The following MRC1 variants were observed in gnomAD, a reference collection of about 807,000 sequenced individuals.
MRC1 encodes the protein mannose receptor C-type 1.
A neutral mutation model predicts 102.9 loss-of-function variants in MRC1; 62 were observed. The ratio of observed to expected loss-of-function variants is 0.60; its 90% CI spans 0.49 to 0.74. MRC1 has a LOEUF of 0.74. MRC1 is among the 30% of genes least tolerant of loss of function. The probability of loss-of-function intolerance (pLI) is 0.00; values close to 1 mark genes in which losing one functional copy is unlikely to be tolerated. For synonymous variants in MRC1, 457 were observed against 298.4 expected (o/e 1.53, Z -5.48); for missense variants, 1,237 against 862.8 (o/e 1.43, Z -5.43).
At chr10:17,880,458 A>G in intron 19 of MRC1, 67 bp from the exon 20 acceptor site, 1 of 767,384 alleles carries the variant, frequency 1.3e-6, no homozygotes, top group Non-Finnish European at 2.4e-6. Flanking sequence ...ATAGAAATAT[A>G]TTTTTTAAAA....
At chr10:17,863,070 T>C (rs1214364706) in intron 10 of MRC1, 1 of 157,540 alleles carries the variant, frequency 6.3e-6, no homozygotes, top group African/African-American at 2.4e-5. Context: ...GAGAATAAAA[T>C]TGAGGGGGGA....
chr10:17,872,102 A>C lies in MRC1; in HGVS notation c.2320A>C (p.Asn774His), dbSNP rs1468835525. The C allele has an allele frequency of 1.3e-6, 1 of 780,586 alleles. No homozygotes were observed. The highest frequency in any genetic ancestry group is 1.7e-5 in the African/African-American group (1 of 59,138). 48.4% of individuals were successfully genotyped at this position (780,586 alleles called of 1,614,324 possible). The change falls in exon 15 of 30, where the codon AAC (asparagine) becomes CAC (histidine). Residue 774 changes from asparagine to histidine, a missense_variant. Transcript: ENST00000569591. Reference protein sequence around the residue: ...WNDINCEHLNNWICQIQKGQT... With the variant: ...WNDINCEHLNHWICQIQKGQT... Reference sequence around the variant, plus strand: ...TGATATTAATTGTGAACACCTTAACAACTGGATTTGCCAGATACAAAAAGG... The same window carrying C: ...TGATATTAATTGTGAACACCTTAACCACTGGATTTGCCAGATACAAAAAGG...
chr10:17,897,298 A>C (rs1833768764), intron 23 of MRC1, among the ~76,000 whole-genome samples: 1 of 152,190 alleles, frequency 6.6e-6, no homozygotes, highest in Non-Finnish European at 1.5e-5. Flanking sequence ...AGTGGCTCAG[A>C]GTACAGGGGG....
chr10:17,885,195 A>G (rs1833574853), intron 21 of MRC1, 74 bp from the exon 22 acceptor site: 3 of 776,370 alleles, frequency 3.9e-6, no homozygotes, highest in East Asian at 2.4e-5. Context: ...TGAAATTCAT[A>G]TATTTTGAAT....
intron 9 of MRC1, among the ~76,000 whole-genome samples, chr10:17,861,089 C>T (rs971756425): frequency 1.3e-5 from 2 of 152,306 alleles, no homozygotes; most frequent in East Asian, 3.9e-4. Context: ...GCGGGTAGAT[C>T]ACTTGAGGTC....
intron 1 of MRC1, among the ~76,000 whole-genome samples, chr10:17,820,476 C>T (rs564674445): frequency 1.3e-5 from 2 of 152,256 alleles, no homozygotes; most frequent in African/African-American, 4.8e-5. Context: ...GAAGGAGGAA[C>T]ACTGTTCATG....
intron 26 of MRC1, among the ~76,000 whole-genome samples, chr10:17,902,383 G>A (rs1833840379): frequency 6.6e-6 from 1 of 152,106 alleles, no homozygotes; most frequent in African/African-American, 2.4e-5. Flanking sequence ...GTTGTAAATT[G>A]TTAGGATTCT....
At chr10:17,875,519 G>A (rs1348879429) in intron 17 of MRC1, among the ~76,000 whole-genome samples, 1 of 152,154 alleles carries the variant, frequency 6.6e-6, no homozygotes. Context: ...TGAGATGTTT[G>A]GTTTTCCATT....
intron 1 of MRC1, among the ~76,000 whole-genome samples, chr10:17,819,934 G>T (rs1314262878): frequency 6.6e-6 from 1 of 152,210 alleles, no homozygotes; most frequent in Non-Finnish European, 1.5e-5. Flanking sequence ...GACAGAGCAA[G>T]ATCCTGTCTC....
At chr10:17,843,405 C>T (rs1177451292) in intron 5 of MRC1, among the ~76,000 whole-genome samples, 2 of 152,142 alleles carry the variant, frequency 1.3e-5, no homozygotes, top group African/African-American at 2.4e-5. Flanking sequence ...CAGTGGCTCA[C>T]GCCTGTAATA....
chr10:17,897,491 T>G (rs1195784671), intron 23 of MRC1, among the ~76,000 whole-genome samples: 1 of 152,112 alleles, frequency 6.6e-6, no homozygotes, highest in Non-Finnish European at 1.5e-5. Flanking sequence ...GAGATCAAGG[T>G]TAAACGAACC....
chr10:17,831,213 C>T (rs1204318427), intron 3 of MRC1, among the ~76,000 whole-genome samples: 1 of 151,018 alleles, frequency 6.6e-6, no homozygotes, highest in Non-Finnish European at 1.5e-5. Flanking sequence ...ATATTATAAA[C>T]AAAACCTTCC....
intron 2 of MRC1, 98 bp from the exon 3 acceptor site, chr10:17,827,444 G>GAAGTGT: frequency 1.9e-6 from 1 of 531,930 alleles, no homozygotes; most frequent in Non-Finnish European, 3.6e-6. Flanking sequence ...AGTGTAATCA[G>GAAGTGT]AACAGTAAGA....
intron 12 of MRC1, among the ~76,000 whole-genome samples, chr10:17,869,650 C>G (rs1242924722): frequency 6.6e-6 from 1 of 152,132 alleles, no homozygotes; most frequent in Admixed American, 6.5e-5. Context: ...TAATTTTGCT[C>G]AGAACTCCCT....
At chr10:17,853,564 AT>A (rs1483024639) in intron 8 of MRC1, among the ~76,000 whole-genome samples, 3 of 137,346 alleles carry the variant, frequency 2.2e-5, no homozygotes, top group African/African-American at 8.8e-5. Flanking sequence ...AAAAAGAGAT[AT>A]ATATGTATGT....
At chr10:17,815,059 A>C (rs34329509) in intron 1 of MRC1, among the ~76,000 whole-genome samples, 29,474 of 152,058 alleles carry the variant, frequency 0.19, 3,548 homozygotes, top group African/African-American at 0.34. Context: ...TGATTTTGCC[A>C]AGTTAACAAT....
intron 23 of MRC1, among the ~76,000 whole-genome samples, chr10:17,896,182 T>C (rs1554843419): frequency 6.6e-6 from 1 of 152,190 alleles, no homozygotes; most frequent in Non-Finnish European, 1.5e-5. Flanking sequence ...GGGTTTGTGT[T>C]GGAAGGTACT....
chr10:17,849,105 T>C (rs1838872720), intron 6 of MRC1, among the ~76,000 whole-genome samples: 1 of 148,672 alleles, frequency 6.7e-6, no homozygotes, highest in African/African-American at 2.4e-5. Context: ...CTAATATGTA[T>C]TAGTATAGTC....
chr10:17,840,303 G>T (rs1310680305), intron 4 of MRC1, among the ~76,000 whole-genome samples: 1 of 151,960 alleles, frequency 6.6e-6, no homozygotes, highest in African/African-American at 2.4e-5. Flanking sequence ...TTTAAAAAAT[G>T]ATAAAATAAA....
Sources: allele counts gnomAD v4.1 joint callset (sites outside exome capture counted in the v4.1 genomes callset), GRCh38; gene constraint gnomAD v4.1.1; transcripts MANE v1.5; gene names NCBI Gene and HGNC (gene_info 2026-07-23, HGNC 2026-07-21).